CAPN1: variants seen among roughly 807,000 people sequenced by gnomAD.
The protein encoded by CAPN1 is calpain-1 catalytic subunit.
A neutral mutation model predicts 105.2 loss-of-function variants in CAPN1; 77 were observed. The observed-to-expected ratio is 0.73, with a 90% CI of 0.61 to 0.88. The LOEUF is 0.88. Among genes scored for constraint, CAPN1 ranks in the 40% least tolerant of loss-of-function variants. CAPN1 has a pLI of 0.00. For synonymous variants in CAPN1, 355 were observed against 388.8 expected (o/e 0.91, Z 1.02); for missense variants, 833 against 976.6 (o/e 0.85, Z 1.96).
In CAPN1 at chr11:65,208,217, A is replaced by G; in HGVS notation, c.1684A>G (p.Ser562Gly). The G allele has an allele frequency of 6.3e-7, 1 of 1,579,466 alleles. No homozygotes were observed. Among genetic ancestry groups the G allele is most frequent in the Non-Finnish European group, 8.6e-7 (1 of 1,162,524 alleles). Reference sequence around the variant, plus strand: ...TCTCTCTCCCCAGGACATGGAGATCAGCGTGAAGGAGTTGCGGACAATCCT... The same window carrying G: ...TCTCTCTCCCCAGGACATGGAGATCGGCGTGAAGGAGTTGCGGACAATCCT... ...RQLAGEDMEI[S>G]VKELRTILNR... is the part of the protein sequence containing the mutation. Residue 562 changes from serine to glycine, a missense_variant, in exon 16 of 22, where the codon AGC becomes GGC. Coordinates refer to ENST00000279247, the MANE Select transcript of CAPN1 (RefSeq NM_005186.4). The surrounding 1 kb of genome is among the most constrained non-coding windows in gnomAD (Gnocchi z 4.1).
intron 5 of CAPN1, 25 bp from the exon 6 acceptor site, chr11:65,186,145 A>T: frequency 1.2e-6 from 2 of 1,610,172 alleles, no homozygotes; most frequent in Non-Finnish European, 1.7e-6. Context: ...TTGATGCCAG[A>T]GTGCTGACCT....
intron 1 of CAPN1, 91 bp downstream of exon 1, chr11:65,182,104 G>A (rs141268414): frequency 0.015 from 1,487 of 100,178 alleles, 10 homozygotes; most frequent in Non-Finnish European, 0.021. Context: ...CTTCTCGGGG[G>A]CCTCTGCGTT....
chr11:65,210,694 G>A lies in CAPN1; in HGVS notation c.2060-120G>A. 1 of 849,316 alleles carries A rather than the reference G, an allele frequency of 1.2e-6. No individual in the cohort carries two copies. The highest frequency in any genetic ancestry group is 2.0e-6 in the Non-Finnish European group (1 of 492,626). The allele number at this position is 849,316 out of a possible 1,614,324, so 52.6% of individuals were successfully genotyped here. ...GTGAAGCTTCCCAGCTTCAAGGGGT[G>A]TCAGCTTGCGGTACTGTGGGGAGGT... On this transcript the variant is annotated intron_variant, in intron 20 of 21. Transcript: ENST00000279247. The surrounding 1 kb of genome is among the most constrained non-coding windows in gnomAD (Gnocchi z 4.3).
intron 1 of CAPN1, 117 bp from the exon 2 acceptor site, chr11:65,182,584 G>A: frequency 8.6e-7 from 1 of 1,167,940 alleles, no homozygotes; most frequent in African/African-American, 1.5e-5. Context: ...AGTGAGGCAG[G>A]GAAACCCTAG....
intron 14 of CAPN1, 31 bp downstream of exon 14, chr11:65,206,850 C>G: frequency 1.9e-6 from 3 of 1,597,674 alleles, no homozygotes; most frequent in Non-Finnish European, 2.6e-6. Flanking sequence ...AGGCCCCGTC[C>G]TCCTCTCTTC....
intron 4 of CAPN1, among the ~76,000 whole-genome samples, chr11:65,183,946 CCTT>C (rs1426944906): frequency 1.3e-5 from 2 of 152,258 alleles, no homozygotes; most frequent in East Asian, 3.9e-4. Context: ...GCACGTGTGG[CCTT>C]CTCCACGTGT....
upstream of CAPN1, chr11:65,181,633 C>G (rs758182897): frequency 7.7e-6 from 3 of 391,744 alleles, no homozygotes; most frequent in East Asian, 1.2e-4. This position sits in a 1 kb window ranked among gnomAD's most constrained non-coding sequence, Gnocchi z 4.6. Flanking sequence ...CGGCCCTCCC[C>G]CTCCGTTCCC....
At chr11:65,195,100 G>GGTTTTTTTTTTTTTTTTTTT (rs1565403828) in intron 10 of CAPN1, among the ~76,000 whole-genome samples, 2 of 90,906 alleles carry the variant, frequency 2.2e-5, no homozygotes, top group African/African-American at 3.4e-5. Context: ...GTTTTTTGGG[G>GGTTTTTTTTTTTTTTTTTTT]TTTTTTTTTT....
chr11:65,208,010 A>G lies in CAPN1; in HGVS notation c.1606-45A>G. The G allele has an allele frequency of 6.7e-7, 1 of 1,501,686 alleles. No homozygotes were observed. The highest frequency in any genetic ancestry group is 9.1e-7 in the Non-Finnish European group (1 of 1,102,688). The allele number at this position is 1,501,686 out of a possible 1,614,324, so 93.0% of individuals were successfully genotyped here. ...TCCCTCCAGCTGCCTCCACACGGGCAGGGCCGGGGCCTCTCTTACCTGCTT... is the reference window on the plus strand; with the variant it reads ...TCCCTCCAGCTGCCTCCACACGGGCGGGGCCGGGGCCTCTCTTACCTGCTT... On this transcript the variant is annotated intron_variant, in intron 14 of 21. Transcript: ENST00000279247. The surrounding 1 kb of genome is among the most constrained non-coding windows in gnomAD (Gnocchi z 4.1).
chr11:65,182,006 T>C lies in CAPN1; in HGVS notation c.-9T>C. 1 of 156,890 alleles carries C rather than the reference T, an allele frequency of 6.4e-6. No individual in the cohort carries two copies. The highest frequency in any genetic ancestry group is 1.4e-5 in the Non-Finnish European group (1 of 71,224). The allele number at this position is 156,890 out of a possible 1,614,324, so 9.7% of individuals were successfully genotyped here. A position where few individuals can be genotyped will look rare whatever the true frequency, so the allele number is the denominator to read the frequency against. ...GACTGCAGCGACCCCCAAACACCCC[T>C]CCCCCAGGTAAGAAGCTGGGTAGCC... On this transcript the variant is annotated 5_prime_UTR_variant, in exon 1 of 22. Transcript: ENST00000279247.
chr11:65,183,174 C>T lies in CAPN1; in HGVS notation c.314C>T (p.Thr105Ile), dbSNP rs1188220863. The change falls in exon 3 of 22, where the codon ACA (threonine) becomes ATA (isoleucine). Residue 105 changes from threonine to isoleucine, a missense_variant. Thr to Ile is a moderately conservative substitution (Grantham distance 89). Transcript: ENST00000279247. ...PQFIVDGATR[T>I]DICQGALGDC... ...TTCATTGTGGATGGAGCTACCCGCACAGACATCTGCCAGGGAGCACTGGGT... is the reference window on the plus strand; with the variant it reads ...TTCATTGTGGATGGAGCTACCCGCATAGACATCTGCCAGGGAGCACTGGGT... The T allele has an allele frequency of 3.1e-6, 5 of 1,613,918 alleles. No individual in the cohort carries two copies. Among genetic ancestry groups the T allele is most frequent in the East Asian group, 2.2e-5 (1 of 44,876 alleles).
At chr11:65,204,060 T>C (rs1427709082) in intron 10 of CAPN1, among the ~76,000 whole-genome samples, 1 of 152,188 alleles carries the variant, frequency 6.6e-6, no homozygotes, top group African/African-American at 2.4e-5. Context: ...GCTGGCTGGC[T>C]GTGGCCTCCT....
chr11:65,187,176 G>C (rs368584263), intron 6 of CAPN1, 39 bp from the exon 7 acceptor site: 1 of 1,482,468 alleles, frequency 6.7e-7, no homozygotes, highest in Non-Finnish European at 9.4e-7. Flanking sequence ...AGGGCGGGGG[G>C]ACCTAGCCAC....
chr11:65,210,547 C>A lies in CAPN1; in HGVS notation c.2059+95C>A, dbSNP rs1949032623. On this transcript the variant is annotated intron_variant, in intron 20 of 21. Coordinates refer to ENST00000279247, the MANE Select transcript of CAPN1 (RefSeq NM_005186.4). This position sits in a 1 kb window ranked among gnomAD's most constrained non-coding sequence, Gnocchi z 4.3. ...TGACAGATGGGTGAATTAGCAGATACAGGCCAGTGCTGTGGGTGTGTGCCA... is the reference window on the plus strand; with the variant it reads ...TGACAGATGGGTGAATTAGCAGATAAAGGCCAGTGCTGTGGGTGTGTGCCA... The A allele has an allele frequency of 3.7e-6, 3 of 808,856 alleles. No homozygotes were observed. The highest frequency in any genetic ancestry group is 1.5e-5 in the South Asian group (1 of 67,998). 50.1% of individuals were successfully genotyped at this position (808,856 alleles called of 1,614,324 possible).
intron 10 of CAPN1, among the ~76,000 whole-genome samples, chr11:65,200,721 G>C (rs1948856280): frequency 6.6e-6 from 1 of 151,120 alleles, no homozygotes; most frequent in South Asian, 2.1e-4. Context: ...GCTCACTGCA[G>C]CCTCAGCCTT....
In CAPN1 at chr11:65,188,785, C is replaced by T; in HGVS notation, c.1165+39C>T. On this transcript the variant is annotated intron_variant, in intron 10 of 21. Transcript: ENST00000279247. The surrounding 1 kb of genome is among the most constrained non-coding windows in gnomAD (Gnocchi z 5.5). ...GGCTCTGGGTCTTGCTGCTTCCTGG[C>T]TTAGGGGCTCCAGAAGGCACGTCAT... 6.6e-7 allele frequency: 1 copy of T among 1,523,294 alleles called. No homozygotes were observed. The allele number at this position is 1,523,294 out of a possible 1,614,324, so 94.4% of individuals were successfully genotyped here.
chr11:65,204,771 C>A lies in CAPN1; in HGVS notation c.1254C>A (p.Ser418Arg), dbSNP rs767186479. Residue 418 changes from serine to arginine, a missense_variant, in exon 11 of 22, where the codon AGC becomes AGA. Ser to Arg is a moderately radical substitution (Grantham distance 110, BLOSUM62 -1). Coordinates refer to ENST00000279247, the MANE Select transcript of CAPN1 (RefSeq NM_005186.4). ...DDYGDRESGC[S>R]FVLALMQKHR... ...ACGGGGACCGCGAGTCAGGCTGCAG[C>A]TTCGTGCTCGCCCTTATGCAGAAGC... is the stretch of plus-strand genomic sequence containing the variant. The A allele has an allele frequency of 1.9e-6, 3 of 1,613,138 alleles. No homozygotes were observed. The Admixed American group carries it at 5.0e-5, about 27-fold the overall frequency.
intron 13 of CAPN1, 40 bp from the exon 14 acceptor site, chr11:65,206,740 T>TC: frequency 1.9e-6 from 3 of 1,611,340 alleles, no homozygotes; most frequent in Non-Finnish European, 1.7e-6. Flanking sequence ...CCCTCTGCTG[T>TC]CCCCCTCTGA....
At position 65,188,308 on chromosome 11, in the gene CAPN1, C is replaced by T. The variant is rs1000628039; in HGVS notation, c.930-106C>T. 9.6e-7 allele frequency: 1 copy of T among 1,038,280 alleles called. No individual in the cohort carries two copies. The highest frequency in any genetic ancestry group is 1.5e-5 in the South Asian group (1 of 67,142). The allele number at this position is 1,038,280 out of a possible 1,614,324, so 64.3% of individuals were successfully genotyped here. A position where few individuals can be genotyped will look rare whatever the true frequency, so the allele number is the denominator to read the frequency against. On this transcript the variant is annotated intron_variant, in intron 8 of 21. Coordinates refer to ENST00000279247, the MANE Select transcript of CAPN1 (RefSeq NM_005186.4). This position sits in a 1 kb window ranked among gnomAD's most constrained non-coding sequence, Gnocchi z 5.5. ...CCTTGGCGCTTGACCTTGAGGAGGC[C>T]ACCTGGGCTGGGCCGGGGGAAGACA...
Sources: allele counts gnomAD v4.1 joint callset (sites outside exome capture counted in the v4.1 genomes callset), GRCh38; gene constraint gnomAD v4.1.1; non-coding constraint Gnocchi (gnomAD v3.1); transcripts MANE v1.5; gene names NCBI Gene and HGNC (gene_info 2026-07-23, HGNC 2026-07-21).